The following ATP8A2 variants were observed in gnomAD, a reference collection of about 807,000 sequenced individuals.
The protein encoded by ATP8A2 is phospholipid-transporting ATPase IB.
ATP8A2 carries 100 observed loss-of-function variants against 165.6 expected under a neutral mutation model. That is an observed-to-expected ratio of 0.60 (90% CI 0.51 to 0.71). The LOEUF (loss-of-function observed/expected upper bound fraction) is 0.71, where lower values mean the gene tolerates loss of function less well. Among genes scored for constraint, ATP8A2 ranks in the 30% least tolerant of loss-of-function variants. The probability of loss-of-function intolerance (pLI) is 0.00; values close to 1 mark genes in which losing one functional copy is unlikely to be tolerated. For synonymous variants in ATP8A2, 543 were observed against 548.8 expected (o/e 0.99, Z 0.15); for missense variants, 1,227 against 1,479.5 (o/e 0.83, Z 2.80).
intron 24 of ATP8A2, among the ~76,000 whole-genome samples, chr13:25,659,454 C>T (rs533720384): frequency 2.0e-5 from 3 of 152,178 alleles, no homozygotes; most frequent in Non-Finnish European, 4.4e-5. Context: ...GGAGGATGCT[C>T]TGCCCTTTCT....
At chr13:25,400,384 T>C (rs1566105739) in intron 1 of ATP8A2, among the ~76,000 whole-genome samples, 2 of 152,260 alleles carry the variant, frequency 1.3e-5, no homozygotes, top group African/African-American at 4.8e-5. Context: ...TTTTCTTTTA[T>C]TGATACATAA....
rs1384202067 is a variant in ATP8A2 at position 25,549,476 on chromosome 13, A to AAAT, written c.892-1862_892-1861insAAT. The stretch of plus-strand genomic sequence containing the variant: ...CTCTGTCTCAAAAAAAAAAAAAAAA[A>AAAT]GCCTGGGCCCATGATTCATGGAAGG... On this transcript the variant is annotated intron_variant, in intron 10 of 36. Coordinates refer to ENST00000381655, the MANE Select transcript of ATP8A2 (RefSeq NM_016529.6). Among the ~76,000 whole-genome samples, 47 of 150,408 alleles carry AAAT rather than the reference A, an allele frequency of 3.1e-4. 1 individual carries two copies. Among genetic ancestry groups the AAAT allele is most frequent in the African/African-American group, 1.1e-3 (45 of 41,024 alleles).
At chr13:25,898,163 A>G (rs975850575) in intron 33 of ATP8A2, among the ~76,000 whole-genome samples, 5 of 151,774 alleles carry the variant, frequency 3.3e-5, no homozygotes, top group Non-Finnish European at 7.4e-5. Flanking sequence ...GGTTTTATCT[A>G]CCTTTGGTCT....
intron 30 of ATP8A2, among the ~76,000 whole-genome samples, chr13:25,854,124 T>G (rs1406340656): frequency 6.6e-6 from 1 of 152,188 alleles, no homozygotes; most frequent in Non-Finnish European, 1.5e-5. Context: ...TGGAATATGG[T>G]CATGTTTCAT....
intron 27 of ATP8A2, 50 bp downstream of exon 27, chr13:25,775,009 T>C (rs772847399): frequency 5.8e-6 from 6 of 1,030,510 alleles, no homozygotes; most frequent in Non-Finnish European, 9.0e-6. Context: ...TTTAAGAGGA[T>C]ATCTTGAGGT....
chr13:25,812,623 A>G (rs1161935742), intron 27 of ATP8A2, among the ~76,000 whole-genome samples: 1 of 150,736 alleles, frequency 6.6e-6, no homozygotes, highest in Non-Finnish European at 1.5e-5. Context: ...AGAAATTAAA[A>G]CAAAATTAAG....
At position 25,983,183 on chromosome 13, in the gene ATP8A2, CTTCA is replaced by C. The variant is rs559517127; in HGVS notation, c.3377+14506_3377+14509del. The stretch of plus-strand genomic sequence containing the variant: ...TGTCTGCTTTGATTTTCTGTGCTGC[CTTCA>C]TGATAGTGTCCACAGAAAATAATTT... On this transcript the variant is annotated intron_variant, in intron 35 of 36. Transcript: ENST00000381655. Among the ~76,000 whole-genome samples, 197 of 152,248 alleles carry C rather than the reference CTTCA, an allele frequency of 1.3e-3. 1 individual carries two copies. The highest frequency in any genetic ancestry group is 4.6e-3 in the African/African-American group (193 of 41,530).
chr13:25,457,972 G>T (rs1014628966), intron 1 of ATP8A2, among the ~76,000 whole-genome samples: 16 of 152,202 alleles, frequency 1.1e-4, no homozygotes, highest in African/African-American at 3.9e-4. Context: ...GACTGCTGAT[G>T]GAAGTAGAGC....
At chr13:25,413,161 T>A (rs1219112057) in intron 1 of ATP8A2, among the ~76,000 whole-genome samples, 3 of 152,170 alleles carry the variant, frequency 2.0e-5, no homozygotes, top group Non-Finnish European at 4.4e-5. Context: ...AACAAAAATC[T>A]AGCTTTGTGC....
chr13:25,375,134 C>T (rs1472995860), intron 1 of ATP8A2, among the ~76,000 whole-genome samples: 1 of 152,178 alleles, frequency 6.6e-6, no homozygotes, highest in African/African-American at 2.4e-5. Flanking sequence ...CATGGGGATC[C>T]TCTTGCCCGT....
intron 24 of ATP8A2, among the ~76,000 whole-genome samples, chr13:25,629,103 C>T (rs2041174782): frequency 6.6e-6 from 1 of 152,162 alleles, no homozygotes; most frequent in Admixed American, 6.6e-5. Flanking sequence ...GTCACCCTTA[C>T]TAGACCATAG....
intron 13 of ATP8A2, among the ~76,000 whole-genome samples, chr13:25,557,626 GGGTGTGCCCTATACAGGTCTTT>G (rs1242362841): frequency 2.0e-5 from 3 of 152,182 alleles, no homozygotes; most frequent in Non-Finnish European, 2.9e-5. Context: ...GTGAGGGCGT[GGGTGTGCCCTATACAGGTCTTT>G]GGTTGCCTTT....
chr13:25,710,109 T>C (rs1243116189), intron 25 of ATP8A2, among the ~76,000 whole-genome samples: 1 of 152,192 alleles, frequency 6.6e-6, no homozygotes, highest in African/African-American at 2.4e-5. Flanking sequence ...AGGAGACTTT[T>C]ATTTTTTTTA....
intron 24 of ATP8A2, among the ~76,000 whole-genome samples, chr13:25,641,237 G>A (rs946858319): frequency 1.6e-4 from 24 of 152,280 alleles, no homozygotes; most frequent in African/African-American, 5.8e-4. Flanking sequence ...TCAACATAGT[G>A]TTGGAAGTTC....
At chr13:25,666,032 T>G (rs2042146670) in intron 24 of ATP8A2, among the ~76,000 whole-genome samples, 2 of 151,648 alleles carry the variant, frequency 1.3e-5, no homozygotes, top group Non-Finnish European at 2.9e-5. Context: ...ATCAAGGGAT[T>G]GCAGGCCAAA....
At chr13:25,497,968 T>C (rs909169923) in intron 2 of ATP8A2, among the ~76,000 whole-genome samples, 1 of 151,770 alleles carries the variant, frequency 6.6e-6, no homozygotes, top group African/African-American at 2.4e-5. Context: ...TCTCAAATAA[T>C]AATAATAATA....
intron 24 of ATP8A2, among the ~76,000 whole-genome samples, chr13:25,622,378 G>A (rs2040992831): frequency 6.6e-6 from 1 of 151,956 alleles, no homozygotes; most frequent in African/African-American, 2.4e-5. Flanking sequence ...GAATGATGAG[G>A]AGCAGAAGGA....
rs1555270829 is a variant in ATP8A2, at chr13:25,813,408, A to ATATGATATGG, written c.2680-14701_2680-14700insGTATGATATG. 3.0e-3 allele frequency among the ~76,000 whole-genome samples: 392 copies of ATATGATATGG among 128,672 alleles called. 1 individual carries two copies. The highest frequency in any genetic ancestry group is 5.5e-3 in the Non-Finnish European group (333 of 60,816). 84.4% of individuals were successfully genotyped at this position (128,672 alleles called of 152,430 possible). On this transcript the variant is annotated intron_variant, in intron 27 of 36. Transcript: ENST00000381655. ...ATATGATATGATATGATATGATATG[A>ATATGATATGG]TATGATATGATATATGATGGTATGA...
intron 27 of ATP8A2, among the ~76,000 whole-genome samples, chr13:25,801,123 T>C (rs1222007025): frequency 6.6e-6 from 1 of 152,192 alleles, no homozygotes; most frequent in African/African-American, 2.4e-5. Flanking sequence ...ATCTGCCTTA[T>C]GGAAAGAGAA....
Sources: gnomAD v4.1 joint callset for allele counts (sites outside exome capture counted in the v4.1 genomes callset) on GRCh38, gnomAD v4.1.1 for gene constraint, MANE v1.5 for transcripts, NCBI Gene and HGNC (gene_info 2026-07-23, HGNC 2026-07-21) for gene names.